The following PDXDC1 variants were observed in gnomAD, a reference collection of about 807,000 sequenced individuals.
PDXDC1 encodes the protein pyridoxal dependent decarboxylase domain containing 1.
PDXDC1 carries 42 observed loss-of-function variants against 100.1 expected under a neutral mutation model. That is an observed-to-expected ratio of 0.42 (90% CI 0.33 to 0.54). The LOEUF (loss-of-function observed/expected upper bound fraction) is 0.54. PDXDC1 is among the 20% of genes least tolerant of loss of function. The pLI, the probability that PDXDC1 is intolerant of heterozygous loss-of-function variation, is 0.10. For synonymous variants in PDXDC1, 260 were observed against 371.7 expected, an observed-to-expected ratio of 0.70 and a Z score of 3.46; for missense variants, 636 against 979.2, an observed-to-expected ratio of 0.65 and a Z score of 4.68.
intron 16 of PDXDC1, chr16:15,128,160 A>G (rs752400503): frequency 8.7e-6 from 14 of 1,609,958 alleles, no homozygotes; most frequent in Non-Finnish European, 1.2e-5. Context: ...GAGGGAGGTC[A>G]GGCTCGCAGG....
At chr16:15,072,338 T>C (rs967756913) in intron 16 of PDXDC1, among the ~76,000 whole-genome samples, 4 of 151,902 alleles carry the variant, frequency 2.6e-5, no homozygotes, top group Non-Finnish European at 5.9e-5. Flanking sequence ...TAGTTACAAC[T>C]CAACCCTTGG....
At chr16:15,013,985 TC>T (rs1251367448) in intron 8 of PDXDC1, among the ~76,000 whole-genome samples, 1 of 151,776 alleles carries the variant, frequency 6.6e-6, no homozygotes, top group African/African-American at 2.4e-5. Flanking sequence ...GGCGGGAAGA[TC>T]ACCTGAGGTC....
Position 14,993,941 on chromosome 16 carries a change from CTTT to C in PDXDC1, c.22-3810_22-3808del, listed in dbSNP as rs1365535937. On this transcript the variant is annotated intron_variant, in intron 1 of 22. Coordinates refer to ENST00000396410, the MANE Select transcript of PDXDC1 (RefSeq NM_015027.4). ...TGTCTTTTGGCTGCATAAATGTCTT[CTTT>C]TGAGAAGTGTCTGTTCATATCCTTC... is the stretch of plus-strand genomic sequence containing the variant. Among the ~76,000 whole-genome samples the C allele has an allele frequency of 1.6e-4, 24 of 152,398 alleles. No homozygotes were observed. In the South Asian group the frequency reaches 5.0e-3, roughly 32 times the overall value.
At chr16:15,124,873 G>T (rs1202172786) in intron 16 of PDXDC1, among the ~76,000 whole-genome samples, 1 of 151,942 alleles carries the variant, frequency 6.6e-6, no homozygotes, top group South Asian at 2.1e-4. Flanking sequence ...ATTTGGCTGG[G>T]CATGGTGGCT....
chr16:15,062,071 C>A, intron 16 of PDXDC1, among the ~76,000 whole-genome samples: 1 of 152,156 alleles, frequency 6.6e-6, no homozygotes, highest in East Asian at 1.9e-4. Context: ...CCCAGCTACT[C>A]AGGAGGTGGA....
intron 16 of PDXDC1, chr16:15,047,748 C>T (rs1217902135): frequency 9.7e-6 from 10 of 1,035,538 alleles, no homozygotes; most frequent in East Asian, 4.7e-5. Flanking sequence ...AAAAGGTAAG[C>T]GGAGTCCGCT....
chr16:15,028,772 T>G (rs2042825138), intron 14 of PDXDC1, 106 bp from the exon 15 acceptor site: 1 of 1,050,824 alleles, frequency 9.5e-7, no homozygotes, highest in African/African-American at 1.6e-5. Context: ...TACGAGTCAG[T>G]GCCCTGGGGC....
chr16:15,098,037 A>G (rs2046419206), intron 16 of PDXDC1, among the ~76,000 whole-genome samples: 1 of 134,638 alleles, frequency 7.4e-6, no homozygotes, highest in Non-Finnish European at 1.5e-5. Flanking sequence ...TCGGCCTCCC[A>G]AAATGCTGAG....
At chr16:14,992,590 A>G (rs1171884191) in intron 1 of PDXDC1, among the ~76,000 whole-genome samples, 2 of 152,288 alleles carry the variant, frequency 1.3e-5, no homozygotes, top group Non-Finnish European at 2.9e-5. Context: ...TAAAGTGGTG[A>G]ATTTTATTGA....
chr16:15,137,670 T>C, intron 16 of PDXDC1: 1 of 1,207,818 alleles, frequency 8.3e-7, no homozygotes, highest in Non-Finnish European at 1.2e-6. Context: ...CAGAGAGGCC[T>C]TCCTGAGCCC....
At chr16:15,004,672 A>T (rs1973888820) in intron 5 of PDXDC1, among the ~76,000 whole-genome samples, 1 of 152,250 alleles carries the variant, frequency 6.6e-6, no homozygotes, top group Non-Finnish European at 1.5e-5. Context: ...ATTCAAATAC[A>T]GTTGTCCCTT....
intron 16 of PDXDC1, chr16:15,094,585 C>G (rs1015085858): frequency 1.4e-5 from 5 of 366,828 alleles, no homozygotes; most frequent in Non-Finnish European, 2.5e-5. Context: ...CTCCCTCAGT[C>G]AAATCGAAGA....
At position 15,135,765 on chromosome 16, in the gene PDXDC1, C is replaced by A. The variant is rs542253920; in HGVS notation, c.1400-3114C>A. Reference sequence around the variant, plus strand: ...ACCAGGTCCTGTGTGTCTGACCACACGCGGTATGAGCCACCCTCAGTGATG... The same window carrying A: ...ACCAGGTCCTGTGTGTCTGACCACAAGCGGTATGAGCCACCCTCAGTGATG... On this transcript the variant is annotated intron_variant, in intron 16 of 16. Coordinates refer to the PDXDC1 transcript ENST00000535621. 5.6e-6 allele frequency: 9 copies of A among 1,596,086 alleles called. No individual in the cohort carries two copies. In the African/African-American group the frequency reaches 1.1e-4, roughly 19 times the overall value.
At chr16:15,040,875 T>C (rs1285138258), downstream of PDXDC1, among the ~76,000 whole-genome samples, 1 of 152,170 alleles carries the variant, frequency 6.6e-6, no homozygotes, top group Non-Finnish European at 1.5e-5. Flanking sequence ...GTGAATGTTA[T>C]CTCAGTTTTA....
chr16:15,020,646 G>A (rs1187826499), intron 12 of PDXDC1, among the ~76,000 whole-genome samples: 33 of 151,974 alleles, frequency 2.2e-4, no homozygotes, highest in African/African-American at 7.2e-4. Context: ...CCGAGATTGC[G>A]CCACTGCACT....
downstream of PDXDC1, chr16:15,041,759 A>AG: frequency 2.0e-6 from 2 of 986,678 alleles, no homozygotes; most frequent in Non-Finnish European, 1.6e-6. Flanking sequence ...AACGACAGGG[A>AG]GGGACGGCAG....
At chr16:15,064,300 C>T (rs1360182148) in intron 16 of PDXDC1, among the ~76,000 whole-genome samples, 4 of 152,058 alleles carry the variant, frequency 2.6e-5, no homozygotes, top group South Asian at 2.1e-4. Flanking sequence ...CTCAGCCTCC[C>T]GAGTAGCTGG....
intron 12 of PDXDC1, 49 bp from the exon 13 acceptor site, chr16:15,022,655 C>G: frequency 6.3e-7 from 1 of 1,576,152 alleles, no homozygotes; most frequent in Non-Finnish European, 8.7e-7. Flanking sequence ...ACCACTTCTT[C>G]ATGTCCCACG....
At chr16:14,988,749 G>C in intron 1 of PDXDC1, 2 of 1,613,772 alleles carry the variant, frequency 1.2e-6, no homozygotes, top group Non-Finnish European at 1.7e-6. Flanking sequence ...GTCGGGGTCG[G>C]CCTGGAACTG....
Sources: gnomAD v4.1 joint callset for allele counts (sites outside exome capture counted in the v4.1 genomes callset) on GRCh38, gnomAD v4.1.1 for gene constraint, MANE v1.5 for transcripts, NCBI Gene and HGNC (gene_info 2026-07-23, HGNC 2026-07-21) for gene names.